SNX29: variants seen among roughly 807,000 people sequenced by gnomAD.
SNX29 encodes the protein sorting nexin 29.
In SNX29, 78 loss-of-function variants were observed where a neutral mutation model predicts 102.1. The observed-to-expected ratio is 0.76, with a 90% confidence interval of 0.64 to 0.92. SNX29 has a LOEUF of 0.92. Among genes scored for constraint, SNX29 ranks in the 40% least tolerant of loss-of-function variants. The pLI is 0.00. For missense variants in SNX29, 1,280 were observed against 1,061.7 expected (o/e 1.21, Z -2.86); for synonymous variants, 580 against 414.5 (o/e 1.40, Z -4.85).
chr16:12,009,916 G>A (rs895368175), intron 3 of SNX29, among the ~76,000 whole-genome samples: 1 of 152,230 alleles, frequency 6.6e-6, no homozygotes, highest in East Asian at 1.9e-4. Context: ...CGGAATCAGA[G>A]GACGTGATCT....
At chr16:12,525,703 C>T (rs11643338) in intron 20 of SNX29, among the ~76,000 whole-genome samples, 1,914 of 128,032 alleles carry the variant, frequency 0.015, 26 homozygotes, top group Non-Finnish European at 0.023. Context: ...CCCCCACCCC[C>T]CCCCCCAAAA....
At chr16:12,303,286 AAC>A (rs1265930258) in intron 15 of SNX29, among the ~76,000 whole-genome samples, 2 of 152,236 alleles carry the variant, frequency 1.3e-5, no homozygotes, top group Admixed American at 6.5e-5. Context: ...CACCAGGAGA[AAC>A]ACAGCCATGT....
intron 13 of SNX29, among the ~76,000 whole-genome samples, chr16:12,190,046 T>C (rs2076604194): frequency 6.6e-6 from 1 of 152,192 alleles, no homozygotes. Flanking sequence ...TCCATCCCCT[T>C]GTAAGTTAAC....
At chr16:11,980,372 C>T (rs1010732019) in intron 1 of SNX29, among the ~76,000 whole-genome samples, 1 of 152,110 alleles carries the variant, frequency 6.6e-6, no homozygotes, top group African/African-American at 2.4e-5. Context: ...ACATTATATT[C>T]CTTTATGTGG....
At chr16:12,172,602 G>A (rs1220740738) in intron 13 of SNX29, among the ~76,000 whole-genome samples, 2 of 152,178 alleles carry the variant, frequency 1.3e-5, no homozygotes, top group Non-Finnish European at 2.9e-5. Flanking sequence ...CAGCAATGTT[G>A]AAGGATTAAA....
chr16:12,516,260 G>A lies in SNX29; in HGVS notation c.2179-8442G>A, dbSNP rs556225605. The stretch of plus-strand genomic sequence containing the variant: ...TCTAGGAGGCTGAGGAGGGAGGCTC[G>A]CTTAAGCCCAGGAGTTCAAGACCTG... On this transcript the variant is annotated intron_variant, in intron 19 of 20. Transcript: ENST00000566228. Among the ~76,000 whole-genome samples, 5 of 152,040 alleles carry A rather than the reference G, an allele frequency of 3.3e-5. No individual in the cohort carries two copies. In the East Asian group the frequency reaches 5.8e-4, roughly 18 times the overall value.
At chr16:12,402,494 T>G (rs1344722866) in intron 17 of SNX29, among the ~76,000 whole-genome samples, 1 of 152,204 alleles carries the variant, frequency 6.6e-6, no homozygotes, top group African/African-American at 2.4e-5. Context: ...TCCAGAATGG[T>G]GCAGCACCGT....
At chr16:12,118,313 CTTTTTTTT>C (rs869186902) in intron 11 of SNX29, among the ~76,000 whole-genome samples, 10 of 86,114 alleles carry the variant, frequency 1.2e-4, no homozygotes, top group East Asian at 1.1e-3. Flanking sequence ...TACAGACCAC[CTTTTTTTT>C]TTTTTTTTTT....
chr16:12,300,830 T>C (rs2080149139), intron 15 of SNX29, among the ~76,000 whole-genome samples: 1 of 152,140 alleles, frequency 6.6e-6, no homozygotes, highest in African/African-American at 2.4e-5. Context: ...TTTAGTGACA[T>C]TGCCCCACTA....
chr16:12,023,053 C>T (rs145480245), intron 3 of SNX29, among the ~76,000 whole-genome samples: 4 of 151,918 alleles, frequency 2.6e-5, no homozygotes, highest in East Asian at 1.9e-4. Context: ...CCTGCTGTAA[C>T]GCCCAGTGAA....
intron 20 of SNX29, among the ~76,000 whole-genome samples, 175 bp from the exon 21 acceptor site, chr16:12,568,331 G>T (rs547575416): frequency 7.0e-6 from 1 of 142,812 alleles, no homozygotes; most frequent in South Asian, 2.3e-4. Context: ...AAAGGTTTAC[G>T]TGACAATAGG....
At chr16:12,563,113 A>C (rs1227297234) in intron 20 of SNX29, among the ~76,000 whole-genome samples, 1 of 151,668 alleles carries the variant, frequency 6.6e-6, no homozygotes, top group African/African-American at 2.4e-5. Context: ...CTAACAACAG[A>C]GCCTAGGAAA....
intron 14 of SNX29, 108 bp downstream of exon 14, chr16:12,199,791 AT>A: frequency 1.1e-6 from 1 of 898,974 alleles, no homozygotes; most frequent in Non-Finnish European, 1.7e-6. Context: ...ATGTGGATGG[AT>A]TAGAATAATG....
chr16:12,154,035 A>T (rs557096148), intron 13 of SNX29, among the ~76,000 whole-genome samples: 56 of 152,354 alleles, frequency 3.7e-4, no homozygotes, highest in Admixed American at 1.6e-3. Flanking sequence ...CATTAAGAAC[A>T]ATTAGATGTA....
chr16:12,074,425 A>G (rs8053247), intron 10 of SNX29, among the ~76,000 whole-genome samples: 33,810 of 151,734 alleles, frequency 0.22, 4,304 homozygotes, highest in African/African-American at 0.36. Context: ...TCCTTCACTT[A>G]TGAAGCTTAG....
intron 20 of SNX29, among the ~76,000 whole-genome samples, chr16:12,555,623 C>G (rs1420889311): frequency 1.4e-5 from 2 of 147,448 alleles, no homozygotes; most frequent in African/African-American, 2.7e-5. Flanking sequence ...GTGTGCATGC[C>G]ACACCTGAGT....
At chr16:12,357,849 C>T (rs2082185433) in intron 16 of SNX29, among the ~76,000 whole-genome samples, 1 of 152,210 alleles carries the variant, frequency 6.6e-6, no homozygotes, top group South Asian at 2.1e-4. Flanking sequence ...ACTGGATTTG[C>T]CTTACAGAGG....
At chr16:12,042,445 C>A (rs2049919775) in intron 4 of SNX29, among the ~76,000 whole-genome samples, 1 of 152,176 alleles carries the variant, frequency 6.6e-6, no homozygotes, top group African/African-American at 2.4e-5. Context: ...AACATAGTAC[C>A]TGGTAGGTAG....
At chr16:12,000,546 G>C (rs1367178281) in intron 2 of SNX29, 1 of 151,896 alleles carries the variant, frequency 6.6e-6, no homozygotes, top group Non-Finnish European at 1.5e-5. Flanking sequence ...ATTTTCTAGA[G>C]ACAAGGTCTT....
Sources: gnomAD v4.1 joint callset for allele counts (sites outside exome capture counted in the v4.1 genomes callset) on GRCh38, gnomAD v4.1.1 for gene constraint, MANE v1.5 for transcripts, NCBI Gene and HGNC (gene_info 2026-07-23, HGNC 2026-07-21) for gene names.